Variants in BRD10 observed in about 807,000 individuals in gnomAD.
BRD10 encodes the protein bromodomain containing 10, also known as uncharacterized bromodomain-containing protein 10.
chr9:5,937,693 T>C, the BRD10 span, among the ~76,000 whole-genome samples: 3 of 152,224 alleles, frequency 2.0e-5, no homozygotes, highest in Middle Eastern at 3.2e-3. Context: ...TGTACAATCT[T>C]TCTTTGGAAG....
chr9:5,988,513 G>A, the BRD10 span: 14 of 1,613,712 alleles, frequency 8.7e-6, no homozygotes, highest in East Asian at 2.2e-5. Context: ...GCCTCTAGAT[G>A]TAACTGCTAT....
the BRD10 span, among the ~76,000 whole-genome samples, chr9:5,990,708 T>C: frequency 0.19 from 29,567 of 152,052 alleles, 3,097 homozygotes; most frequent in Middle Eastern, 0.3. Flanking sequence ...CTCACCAACA[T>C]GTAAAGATAA....
At chr9:5,990,838 G>C in the BRD10 span, among the ~76,000 whole-genome samples, 4 of 151,928 alleles carry the variant, frequency 2.6e-5, no homozygotes, top group African/African-American at 9.7e-5. Flanking sequence ...AATCATTAAA[G>C]TTTAACATGA....
At chr9:5,976,458 G>A in the BRD10 span, among the ~76,000 whole-genome samples, 21 of 152,194 alleles carry the variant, frequency 1.4e-4, no homozygotes, top group East Asian at 3.9e-4. Flanking sequence ...AGAATCAACC[G>A]TCAGAAACTG....
chr9:6,007,415 C>G, the BRD10 span: 2 of 1,607,588 alleles, frequency 1.2e-6, no homozygotes, highest in Admixed American at 1.7e-5. Flanking sequence ...GCGCGACCGC[C>G]CCGGCCCCCG....
the BRD10 span, among the ~76,000 whole-genome samples, chr9:5,970,822 G>C: frequency 6.6e-6 from 1 of 151,976 alleles, no homozygotes; most frequent in Non-Finnish European, 1.5e-5. Flanking sequence ...AGGCTGAGGC[G>C]AGTGGATCAT....
chr9:5,950,266 T>C, the BRD10 span, among the ~76,000 whole-genome samples: 1 of 152,136 alleles, frequency 6.6e-6, no homozygotes. Context: ...CCATTTTTAA[T>C]TGATTTTCCT....
chr9:5,939,865 T>G, the BRD10 span, among the ~76,000 whole-genome samples: 3 of 152,202 alleles, frequency 2.0e-5, no homozygotes, highest in Non-Finnish European at 4.4e-5. Flanking sequence ...GTGCCACTTC[T>G]TCAACTATGA....
At chr9:5,987,054 T>C in the BRD10 span, among the ~76,000 whole-genome samples, 2 of 152,162 alleles carry the variant, frequency 1.3e-5, no homozygotes, top group East Asian at 1.9e-4. Flanking sequence ...ACTCAAAAAC[T>C]GTATGACCTT....
chr9:5,946,634 G>T, the BRD10 span, among the ~76,000 whole-genome samples: 1 of 144,496 alleles, frequency 6.9e-6, no homozygotes, highest in South Asian at 2.4e-4. Flanking sequence ...CTTGCAGGTG[G>T]ATGGCTATAC....
At chr9:5,929,001 A>C in the BRD10 span, 1 of 1,052,592 alleles carries the variant, frequency 9.5e-7, no homozygotes, top group Non-Finnish European at 1.4e-6. Context: ...TCGTAAATTA[A>C]GGACCATAAA....
the BRD10 span, among the ~76,000 whole-genome samples, chr9:5,991,678 T>C: frequency 6.9e-6 from 1 of 145,568 alleles, no homozygotes; most frequent in African/African-American, 2.6e-5. Context: ...TGAGCCAAGA[T>C]CGTGCCATTG....
chr9:5,976,962 T>C, the BRD10 span, among the ~76,000 whole-genome samples: 2 of 152,338 alleles, frequency 1.3e-5, no homozygotes, highest in African/African-American at 4.8e-5. Context: ...TGGACTTGCT[T>C]TGCCTAAAGC....
the BRD10 span, among the ~76,000 whole-genome samples, chr9:6,002,825 T>C: frequency 1.3e-5 from 2 of 152,008 alleles, no homozygotes; most frequent in African/African-American, 2.4e-5. Flanking sequence ...TACAGGTGTG[T>C]GCCACTACAC....
At chr9:5,906,954 C>T in the BRD10 span, 60 of 1,599,814 alleles carry the variant, frequency 3.8e-5, no homozygotes, top group Middle Eastern at 2.7e-3. Context: ...GTTTGATCAT[C>T]GGGACAGCAA....
the BRD10 span, chr9:5,921,635 G>A: frequency 1.2e-6 from 2 of 1,613,802 alleles, no homozygotes; most frequent in African/African-American, 1.3e-5. Context: ...TGTTGCTTCT[G>A]ACCTTGTAAC....
At chr9:5,917,574 C>A in the BRD10 span, among the ~76,000 whole-genome samples, 1 of 152,222 alleles carries the variant, frequency 6.6e-6, no homozygotes, top group Non-Finnish European at 1.5e-5. Context: ...TGGCTCACAC[C>A]TATAATCCCA....
chr9:5,885,245 G>A, the BRD10 span, among the ~76,000 whole-genome samples: 1 of 152,190 alleles, frequency 6.6e-6, no homozygotes, highest in Non-Finnish European at 1.5e-5. Context: ...ATGGCCATGA[G>A]TTCATAGGCT....
chr9:5,879,054 C>G, the BRD10 span, among the ~76,000 whole-genome samples: 1 of 152,200 alleles, frequency 6.6e-6, no homozygotes, highest in African/African-American at 2.4e-5. Context: ...CTATTGACTT[C>G]CAGGGTTGTT....
Sources: allele counts gnomAD v4.1 joint callset (sites outside exome capture counted in the v4.1 genomes callset), GRCh38; gene constraint gnomAD v4.1.1; transcripts MANE v1.5; gene names NCBI Gene and HGNC (gene_info 2026-07-23, HGNC 2026-07-21).